Variants in NLGN1 observed in about 807,000 individuals in gnomAD.
The protein encoded by NLGN1 is neuroligin 1, also known as neuroligin-1.
Under a neutral mutation model 65.5 loss-of-function variants are expected in NLGN1, and 12 were observed. The ratio of observed to expected loss-of-function variants is 0.18; its 90% confidence interval spans 0.12 to 0.30. NLGN1 has a LOEUF of 0.30. Ranked by LOEUF, NLGN1 falls within the 10% of genes least tolerant of loss-of-function variation. NLGN1 has a pLI of 1.00. For synonymous variants in NLGN1, 350 were observed against 359.5 expected (o/e 0.97, Z 0.30); for missense variants, 750 against 1,007.1 (o/e 0.74, Z 3.46).
intron 3 of NLGN1, among the ~76,000 whole-genome samples, chr3:173,666,611 G>A (rs1761733355): frequency 6.6e-6 from 1 of 152,116 alleles, no homozygotes; most frequent in Non-Finnish European, 1.5e-5. Context: ...CCCTAACAGG[G>A]ACTCTCTTGG....
intron 4 of NLGN1, among the ~76,000 whole-genome samples, chr3:174,265,873 A>G (rs1748054941): frequency 6.8e-6 from 1 of 146,004 alleles, no homozygotes; most frequent in Non-Finnish European, 1.5e-5. Flanking sequence ...GTATTTTGTT[A>G]TAATATATAT....
At chr3:174,104,004 G>A (rs1472528454) in intron 4 of NLGN1, among the ~76,000 whole-genome samples, 1 of 151,858 alleles carries the variant, frequency 6.6e-6, no homozygotes, top group Non-Finnish European at 1.5e-5. Flanking sequence ...ACACCTGGCT[G>A]TTTCTTCTCA....
At chr3:173,835,302 T>C (rs1723404512) in intron 4 of NLGN1, among the ~76,000 whole-genome samples, 1 of 152,194 alleles carries the variant, frequency 6.6e-6, no homozygotes, top group South Asian at 2.1e-4. Context: ...TATGCATTGA[T>C]AGTGCATAGA....
Position 173,768,847 on chromosome 3 carries a change from C to G in NLGN1, c.494-38833C>G, listed in dbSNP as rs192582167. Among the ~76,000 whole-genome samples, 9 of 152,250 alleles carry G rather than the reference C, an allele frequency of 5.9e-5. No homozygotes were observed. In the East Asian group the frequency reaches 1.7e-3, roughly 29 times the overall value. ...AGTGCAGTGGTGTGATCTTGACTCA[C>G]AGCAACCTCTGCCTCCCAGGCTCAA... is the stretch of plus-strand genomic sequence containing the variant. On this transcript the variant is annotated intron_variant, in intron 3 of 6. Transcript: ENST00000457714.
intron 4 of NLGN1, among the ~76,000 whole-genome samples, chr3:174,131,491 C>G (rs767291236): frequency 7.2e-5 from 11 of 152,086 alleles, no homozygotes; most frequent in Non-Finnish European, 1.3e-4. Context: ...CTACATTAAA[C>G]TCTCTGAACT....
intron 3 of NLGN1, among the ~76,000 whole-genome samples, chr3:173,693,522 A>G (rs1765768162): frequency 6.6e-6 from 1 of 152,136 alleles, no homozygotes; most frequent in African/African-American, 2.4e-5. Flanking sequence ...TTCATTGAAG[A>G]GAATTTTCTT....
chr3:173,980,851 A>G (rs1718626411), intron 4 of NLGN1, among the ~76,000 whole-genome samples: 1 of 152,126 alleles, frequency 6.6e-6, no homozygotes, highest in Non-Finnish European at 1.5e-5. Flanking sequence ...TTATATTTTG[A>G]GGAATATTAG....
At chr3:174,016,233 G>A (rs1207845484) in intron 4 of NLGN1, among the ~76,000 whole-genome samples, 7 of 152,166 alleles carry the variant, frequency 4.6e-5, no homozygotes, top group Non-Finnish European at 2.9e-5. Flanking sequence ...TCTGTTTGCT[G>A]AAGACCGTTA....
rs200962619 is a variant in NLGN1 at position 173,822,971 on chromosome 3, T to A, written c.646+15139T>A. Among the ~76,000 whole-genome samples the A allele has an allele frequency of 7.8e-4, 118 of 152,184 alleles. 1 individual carries two copies. In the East Asian group the frequency reaches 0.021, roughly 27 times the overall value. ...CTATTTTTTGGAAATAGAATTAAAA[T>A]TGAGTAACTTCAATTTAATACCATG... On this transcript the variant is annotated intron_variant, in intron 4 of 6. Transcript: ENST00000457714.
At chr3:173,802,143 A>AT (rs74594581) in intron 3 of NLGN1, among the ~76,000 whole-genome samples, 91 of 150,412 alleles carry the variant, frequency 6.1e-4, no homozygotes, top group East Asian at 3.9e-3. Context: ...ATTTAATGTG[A>AT]TTTTTTTTTT....
At chr3:173,499,729 A>G (rs942382487) in intron 2 of NLGN1, among the ~76,000 whole-genome samples, 12 of 151,752 alleles carry the variant, frequency 7.9e-5, no homozygotes, top group Non-Finnish European at 8.8e-5. Context: ...CTTTTATTTC[A>G]TTGAGCAGTG....
At chr3:173,472,690 A>G (rs561410345) in intron 2 of NLGN1, among the ~76,000 whole-genome samples, 26 of 152,244 alleles carry the variant, frequency 1.7e-4, no homozygotes, top group Admixed American at 1.6e-3. Context: ...ACAAAGGAAT[A>G]TTATTAACCT....
downstream of NLGN1, among the ~76,000 whole-genome samples, chr3:174,289,617 T>G (rs1040367055): frequency 4.0e-5 from 6 of 151,212 alleles, no homozygotes; most frequent in Non-Finnish European, 8.9e-5. Flanking sequence ...AGAAAAATAA[T>G]TCTCACACCA....
intron 4 of NLGN1, among the ~76,000 whole-genome samples, chr3:174,046,648 T>G (rs1176973024): frequency 6.6e-6 from 1 of 152,142 alleles, no homozygotes; most frequent in Non-Finnish European, 1.5e-5. Flanking sequence ...TTCCTAAGGA[T>G]TATACCTTGG....
intron 4 of NLGN1, among the ~76,000 whole-genome samples, chr3:174,140,057 C>T (rs989661033): frequency 6.6e-5 from 10 of 152,122 alleles, no homozygotes; most frequent in African/African-American, 2.4e-4. Flanking sequence ...TTGTTCTTCT[C>T]TTTACCAGAT....
At chr3:174,087,039 G>A (rs1259067439) in intron 4 of NLGN1, among the ~76,000 whole-genome samples, 2 of 152,136 alleles carry the variant, frequency 1.3e-5, no homozygotes, top group Middle Eastern at 3.4e-3. Flanking sequence ...CAAACACTGC[G>A]CATTCTCACA....
chr3:174,219,093 A>G (rs1185972935), intron 4 of NLGN1, among the ~76,000 whole-genome samples: 1 of 152,110 alleles, frequency 6.6e-6, no homozygotes, highest in African/African-American at 2.4e-5. Flanking sequence ...CAGGATATCA[A>G]AAAAATGGTT....
chr3:173,678,471 T>C (rs1560153055), intron 3 of NLGN1, among the ~76,000 whole-genome samples: 1 of 152,106 alleles, frequency 6.6e-6, no homozygotes, highest in Non-Finnish European at 1.5e-5. Flanking sequence ...AAGGATGTGA[T>C]TTTGGATCTA....
chr3:173,747,127 G>A (rs1233454286), intron 3 of NLGN1, among the ~76,000 whole-genome samples: 1 of 148,222 alleles, frequency 6.7e-6, no homozygotes, highest in African/African-American at 2.5e-5. Flanking sequence ...GTATACGTGT[G>A]TGTGTATATA....
Sources: gnomAD v4.1 joint callset for allele counts (sites outside exome capture counted in the v4.1 genomes callset) on GRCh38, gnomAD v4.1.1 for gene constraint, MANE v1.5 for transcripts, NCBI Gene and HGNC (gene_info 2026-07-23, HGNC 2026-07-21) for gene names.